Variants in KIF18A observed in about 807,000 individuals in gnomAD.
KIF18A encodes kinesin-like protein KIF18A.
In KIF18A, 67 loss-of-function variants were observed where a neutral mutation model predicts 103.3. The observed-to-expected ratio is 0.65, with a 90% CI of 0.53 to 0.79. The LOEUF is 0.79. Ranked by LOEUF, KIF18A falls within the 30% of genes least tolerant of loss-of-function variation. KIF18A has a pLI of 0.00. For missense variants in KIF18A, 1,032 were observed against 1,062.5 expected, an observed-to-expected ratio of 0.97 and a Z score of 0.40; for synonymous variants, 367 against 355.5, an observed-to-expected ratio of 1.03 and a Z score of -0.36.
chr11:28,075,204 A>G (rs964532562), intron 10 of KIF18A, among the ~76,000 whole-genome samples: 3 of 152,138 alleles, frequency 2.0e-5, no homozygotes, highest in Non-Finnish European at 4.4e-5. Context: ...CACATGTGTT[A>G]TCTTTATCCT....
Position 28,091,458 on chromosome 11 carries a change from C to T in KIF18A, c.539G>A (p.Arg180Gln), listed in dbSNP as rs1851303564. 1.2e-6 allele frequency: 2 copies of T among 1,611,710 alleles called. No individual in the cohort carries two copies. The highest frequency in any genetic ancestry group is 1.1e-5 in the South Asian group (1 of 90,986). ...GACCACCCCTTTTTGGGTATCTTCC[C>T]GGACAGCAAGTGGCCCTGAATTTAC... ...LLVNSGPLAV[R>Q]EDTQKGVVVH... is the part of the protein sequence containing the mutation. The change falls in exon 4 of 17, where the codon CGG (arginine) becomes CAG (glutamine). Residue 180 changes from arginine (R) to glutamine (Q), a missense_variant. Transcript: ENST00000263181.
chr11:28,068,835 A>AT (rs143668963), intron 11 of KIF18A, among the ~76,000 whole-genome samples: 414 of 152,284 alleles, frequency 2.7e-3, no homozygotes, highest in African/African-American at 9.2e-3. Flanking sequence ...GCAGAACATA[A>AT]TTCTAATATG....
rs138287092 is a variant in KIF18A, at chr11:28,097,700, G to A, written c.248C>T (p.Thr83Met). ...KFVFDAVFDETSTQSEVFEHT... is the reference protein window; with the variant it reads ...KFVFDAVFDEMSTQSEVFEHT... ...TTCAAAAACTTCTGACTGAGTTGAC[G>A]TTTCATCAAAAACAGCATCAAATAC... The change falls in exon 2 of 17, where the codon ACG becomes ATG. Residue 83 changes from threonine (T) to methionine (M), a missense_variant. Coordinates refer to ENST00000263181, the MANE Select transcript of KIF18A (RefSeq NM_031217.4). The A allele has an allele frequency of 6.8e-6, 11 of 1,610,926 alleles. No homozygotes were observed. The highest frequency in any genetic ancestry group is 6.7e-5 in the East Asian group (3 of 44,782).
chr11:28,088,932 C>T (rs929559101), intron 5 of KIF18A, among the ~76,000 whole-genome samples: 4 of 152,064 alleles, frequency 2.6e-5, no homozygotes, highest in African/African-American at 9.7e-5. Context: ...ATATGTGTAC[C>T]AGAGGAAAAA....
chr11:28,035,730 T>C (rs1590665542), intron 14 of KIF18A, among the ~76,000 whole-genome samples: 1 of 151,550 alleles, frequency 6.6e-6, no homozygotes, highest in South Asian at 2.1e-4. Context: ...ATAGTGAAGG[T>C]ATTTTTCTTT....
intron 13 of KIF18A, among the ~76,000 whole-genome samples, chr11:28,046,427 T>C (rs1850634682): frequency 6.8e-6 from 1 of 147,918 alleles, no homozygotes; most frequent in Non-Finnish European, 1.5e-5. Flanking sequence ...ATCATCATTC[T>C]CAGTAAACTA....
At chr11:28,087,229 C>A (rs953333674) in intron 6 of KIF18A, among the ~76,000 whole-genome samples, 1 of 152,148 alleles carries the variant, frequency 6.6e-6, no homozygotes, top group Non-Finnish European at 1.5e-5. Flanking sequence ...CCTCCCCTAG[C>A]CCCCACACCC....
At chr11:28,051,354 G>C (rs141204725) in intron 13 of KIF18A, among the ~76,000 whole-genome samples, 1 of 151,842 alleles carries the variant, frequency 6.6e-6, no homozygotes, top group African/African-American at 2.4e-5. Flanking sequence ...TGAAACAATA[G>C]AGTAGAAATT....
chr11:28,046,419 C>T (rs1027152878), intron 13 of KIF18A, among the ~76,000 whole-genome samples: 21 of 147,842 alleles, frequency 1.4e-4, no homozygotes, highest in Non-Finnish European at 3.0e-4. Flanking sequence ...AATTGGAAAT[C>T]ATCATTCTCA....
chr11:28,032,108 A>AG (rs1385688018), intron 15 of KIF18A, among the ~76,000 whole-genome samples: 1 of 151,596 alleles, frequency 6.6e-6, no homozygotes, highest in East Asian at 1.9e-4. Context: ...AATAATTTGA[A>AG]AAAAAAAGTA....
chr11:28,085,920 C>G (rs548704994), intron 6 of KIF18A, among the ~76,000 whole-genome samples: 1 of 152,148 alleles, frequency 6.6e-6, no homozygotes, highest in East Asian at 1.9e-4. Context: ...GAGGTGATGA[C>G]AAAGAATCTT....
chr11:28,043,544 A>T (rs1850587700), intron 13 of KIF18A, among the ~76,000 whole-genome samples: 1 of 152,048 alleles, frequency 6.6e-6, no homozygotes, highest in South Asian at 2.1e-4. Flanking sequence ...TAAATCACTT[A>T]GGCAATGACT....
rs1362151234 is a variant in KIF18A at position 28,029,583 on chromosome 11, T to G, written c.2505-5733A>C. ...CCCACAGCCAATATCATACTGAATGTGCAAAAACTGGAAGCATTCCCTTTG... is the reference window on the plus strand; with the variant it reads ...CCCACAGCCAATATCATACTGAATGGGCAAAAACTGGAAGCATTCCCTTTG... On this transcript the variant is annotated intron_variant, in intron 15 of 16. Transcript: ENST00000263181. Among the ~76,000 whole-genome samples the G allele has an allele frequency of 3.6e-4, 54 of 152,022 alleles. 1 individual carries two copies. In the South Asian group the frequency reaches 7.7e-3, roughly 22 times the overall value.
At chr11:28,064,703 T>A in intron 11 of KIF18A, among the ~76,000 whole-genome samples, 1 of 152,100 alleles carries the variant, frequency 6.6e-6, no homozygotes, top group East Asian at 1.9e-4. Context: ...TATAATTGTA[T>A]TAGTAATAAT....
At chr11:28,063,597 G>C (rs986124517) in intron 11 of KIF18A, among the ~76,000 whole-genome samples, 21 of 151,770 alleles carry the variant, frequency 1.4e-4, no homozygotes, top group Admixed American at 1.3e-3. Context: ...CTTATCTACA[G>C]AATATATCAG....
At chr11:28,060,012 G>A (rs1247249447) in intron 12 of KIF18A, among the ~76,000 whole-genome samples, 1 of 152,134 alleles carries the variant, frequency 6.6e-6, no homozygotes, top group Non-Finnish European at 1.5e-5. Context: ...TTGTGGATAA[G>A]GATGGGGAGT....
At chr11:28,052,826 C>CT (rs1360746047) in intron 13 of KIF18A, among the ~76,000 whole-genome samples, 1 of 151,710 alleles carries the variant, frequency 6.6e-6, no homozygotes, top group Non-Finnish European at 1.5e-5. Context: ...GAAAAAAAAC[C>CT]TACACTTAAG....
At chr11:28,074,669 T>C (rs1353174964) in intron 10 of KIF18A, among the ~76,000 whole-genome samples, 1 of 152,148 alleles carries the variant, frequency 6.6e-6, no homozygotes, top group East Asian at 1.9e-4. Context: ...ATCTAAAATG[T>C]TAGCTTTGAA....
intron 2 of KIF18A, among the ~76,000 whole-genome samples, chr11:28,096,455 T>C (rs997661626): frequency 1.2e-4 from 19 of 152,196 alleles, no homozygotes; most frequent in African/African-American, 4.3e-4. Context: ...ATTCTTAAGC[T>C]TATTCTTAAG....
Sources: gnomAD v4.1 joint callset for allele counts (sites outside exome capture counted in the v4.1 genomes callset) on GRCh38, gnomAD v4.1.1 for gene constraint, MANE v1.5 for transcripts, NCBI Gene and HGNC (gene_info 2026-07-23, HGNC 2026-07-21) for gene names.